The following MAT2A variants were observed in gnomAD, a reference collection of about 807,000 sequenced individuals.
MAT2A encodes the protein methionine adenosyltransferase 2A.
Under a neutral mutation model 43.9 loss-of-function variants are expected in MAT2A, and 3 were observed. The observed-to-expected ratio is 0.07, with a 90% CI of 0.03 to 0.18. The LOEUF (loss-of-function observed/expected upper bound fraction) is 0.18. MAT2A is among the 10% of genes least tolerant of loss of function. The pLI is 1.00. For missense variants in MAT2A, 204 were observed against 489.0 expected, an observed-to-expected ratio of 0.42 and a Z score of 5.50; for synonymous variants, 200 against 168.4, an observed-to-expected ratio of 1.19 and a Z score of -1.45.
Position 85,541,163 on chromosome 2 carries a change from A to G in MAT2A, c.169+3A>G, listed in dbSNP as rs774304543. 4.3e-6 allele frequency: 7 copies of G among 1,613,702 alleles called. No homozygotes were observed. Among genetic ancestry groups the G allele is most frequent in the Admixed American group, 1.7e-5 (1 of 60,006 alleles). On this transcript the variant is annotated splice_donor_region_variant and intron_variant, in intron 2 of 8. Transcript: ENST00000306434. ...TCCTGATGCCAAAGTAGCTTGTGGT[A>G]GGTTCAGAATGTGCTTATCAACTGG...
chr2:85,545,057 G>A lies in MAT2A; in HGVS notation c.*1285G>A, dbSNP rs1691589976. The A allele has an allele frequency of 6.6e-6, 1 of 152,422 alleles. No individual in the cohort carries two copies. Among genetic ancestry groups the A allele is most frequent in the Non-Finnish European group, 1.5e-5 (1 of 68,064 alleles). 9.4% of individuals were successfully genotyped at this position (152,422 alleles called of 1,614,324 possible). A position where few individuals can be genotyped will look rare whatever the true frequency, so the allele number is the denominator to read the frequency against. On this transcript the variant is annotated 3_prime_UTR_variant, in exon 9 of 9. Coordinates refer to ENST00000306434, the MANE Select transcript of MAT2A (RefSeq NM_005911.6). ...TAGACCTACAGGGGGTCTGGCTGGT[G>A]TTAACAGAAGGGAGGGCAGAGCTGG...
intron 1 of MAT2A, 197 bp downstream of exon 1, chr2:85,539,575 T>C (rs1477511209): frequency 4.3e-6 from 2 of 465,878 alleles, no homozygotes; most frequent in South Asian, 6.5e-5. Context: ...CCCCCTCCCC[T>C]CTCCACCCTT....
chr2:85,542,437 T>C, intron 6 of MAT2A, 64 bp downstream of exon 6: 1 of 1,564,294 alleles, frequency 6.4e-7, no homozygotes, highest in Non-Finnish European at 8.8e-7. Context: ...GGCTACTACA[T>C]TTTTTTCAGG....
intron 8 of MAT2A, 49 bp downstream of exon 8, chr2:85,543,083 G>GT: frequency 1.9e-6 from 3 of 1,597,268 alleles, no homozygotes; most frequent in Non-Finnish European, 2.6e-6. Context: ...GGTGTTGGGT[G>GT]TGTGTGTATA....
intron 8 of MAT2A, chr2:85,543,259 C>G (rs1691524620): frequency 2.0e-6 from 1 of 506,330 alleles, no homozygotes; most frequent in African/African-American, 1.9e-5. Context: ...AGAGAATGTT[C>G]CAGATTTGAT....
At chr2:85,542,805 T>C in intron 7 of MAT2A, 58 bp downstream of exon 7, 1 of 1,553,482 alleles carries the variant, frequency 6.4e-7, no homozygotes, top group South Asian at 1.2e-5. Flanking sequence ...GGGTATTTAG[T>C]AGTAATCTAC....
chr2:85,539,661 C>T (rs1691410378), intron 1 of MAT2A: 2 of 297,532 alleles, frequency 6.7e-6, no homozygotes, highest in South Asian at 4.9e-5. Context: ...AGGGCGGGGG[C>T]TGTGGTCGCT....
rs371258887 is a variant in MAT2A at position 85,541,725 on chromosome 2, G to C, written c.385G>C (p.Asp129His). 1 of 1,614,086 alleles carries C rather than the reference G, an allele frequency of 6.2e-7. No individual in the cohort carries two copies. The highest frequency in any genetic ancestry group is 1.3e-5 in the African/African-American group (1 of 74,952). Residue 129 changes from aspartate to histidine, a missense_variant, in exon 4 of 9, where the codon GAC becomes CAC. Physicochemically the swap from Asp to His is moderately conservative, Grantham distance 81. This residue lies in a region of MAT2A where 103 missense variants were observed against 226.4 expected (regional missense o/e 0.45). Coordinates refer to ENST00000306434, the MANE Select transcript of MAT2A (RefSeq NM_005911.6). Reference protein sequence around the residue: ...QGVHLDRNEEDIGAGDQGLMF... With the variant: ...QGVHLDRNEEHIGAGDQGLMF... ...TGTTCATCTTGACAGAAATGAAGAA[G>C]ACATTGGTGCTGGAGACCAGGTATC...
Position 85,541,679 on chromosome 2 carries a change from G to A in MAT2A, c.339G>A (p.Gln113=). ...ACGTGCTGGTAGCCTTGGAGCAACA[G>A]TCACCAGATATTGCTCAAGGTGTTC... ...TCNVLVALEQ[Q]SPDIAQGVHL... The change falls in exon 4 of 9, where the codon CAG becomes CAA. Residue 113 remains glutamine, a synonymous_variant. Coordinates refer to ENST00000306434, the MANE Select transcript of MAT2A (RefSeq NM_005911.6). 6.2e-7 allele frequency: 1 copy of A among 1,613,938 alleles called. No homozygotes were observed. The highest frequency in any genetic ancestry group is 8.5e-7 in the Non-Finnish European group (1 of 1,179,992).
intron 2 of MAT2A, 41 bp from the exon 3 acceptor site, chr2:85,541,214 T>C: frequency 6.2e-7 from 1 of 1,612,478 alleles, no homozygotes; most frequent in Non-Finnish European, 8.5e-7. Context: ...AAAATTATTT[T>C]TATAGAAGTG....
rs1488369439 is a variant in MAT2A at position 85,542,978 on chromosome 2, A to C, written c.1029A>C (p.Arg343Ser). The change falls in exon 8 of 9, where the codon AGA becomes AGC. Residue 343 changes from arginine (R) to serine (S), a missense_variant. Physicochemically the swap from Arg to Ser is moderately radical, Grantham distance 110 (BLOSUM62 -1). This residue lies in a region of MAT2A where 45 missense variants were observed against 106.8 expected (regional missense o/e 0.42). Coordinates refer to ENST00000306434, the MANE Select transcript of MAT2A (RefSeq NM_005911.6). Reference protein sequence around the residue: ...FHYGTSQKSERELLEIVKKNF... With the variant: ...FHYGTSQKSESELLEIVKKNF... Reference sequence around the variant, plus strand: ...ATGGTACCTCTCAGAAGAGTGAGAGAGAGCTATTAGAGATTGTGAAGAAGA... The same window carrying C: ...ATGGTACCTCTCAGAAGAGTGAGAGCGAGCTATTAGAGATTGTGAAGAAGA... 2 of 1,613,510 alleles carry C rather than the reference A, an allele frequency of 1.2e-6. No homozygotes were observed. The highest frequency in any genetic ancestry group is 1.1e-5 in the South Asian group (1 of 91,058).
At position 85,542,412 on chromosome 2, in the gene MAT2A, GTTAC is replaced by G. The variant is rs765919589; in HGVS notation, c.768+43_768+46del. 3.8e-6 allele frequency: 6 copies of G among 1,594,694 alleles called. No homozygotes were observed. In the African/African-American group the frequency reaches 5.4e-5, roughly 14 times the overall value. The stretch of plus-strand genomic sequence containing the variant: ...GTTGCATTTTTCTGGATTTTTGATG[GTTAC>G]TTAAAATTTTGGCTACTACATTTTT... On this transcript the variant is annotated intron_variant, in intron 6 of 8. Coordinates refer to ENST00000306434, the MANE Select transcript of MAT2A (RefSeq NM_005911.6).
At chr2:85,541,522 G>C in intron 3 of MAT2A, 111 bp from the exon 4 acceptor site, 1 of 1,291,714 alleles carries the variant, frequency 7.7e-7, no homozygotes, top group Non-Finnish European at 1.1e-6. Flanking sequence ...TAAAAGGTCC[G>C]ATGGTTTAGG....
intron 6 of MAT2A, 79 bp from the exon 7 acceptor site, chr2:85,542,486 G>A (rs1425074850): frequency 3.9e-6 from 6 of 1,530,822 alleles, no homozygotes; most frequent in Non-Finnish European, 4.5e-6. Flanking sequence ...GAGGATATTT[G>A]CTGAATGAAT....
Position 85,539,252 on chromosome 2 carries a change from T to G in MAT2A, c.-36T>G, listed in dbSNP as rs200342391. 77 of 1,505,058 alleles carry G rather than the reference T, an allele frequency of 5.1e-5. No individual in the cohort carries two copies. The African/African-American group carries it at 7.8e-4, about 15-fold the overall frequency. 93.2% of individuals were successfully genotyped at this position (1,505,058 alleles called of 1,614,324 possible). ...GCAGCCGCTGCCGCCTCGCCGCTGC[T>G]CCTTCGTAAGGCCACTTCCGCACAC... On this transcript the variant is annotated 5_prime_UTR_variant, in exon 1 of 9. Transcript: ENST00000306434.
chr2:85,542,004 A>C, intron 5 of MAT2A, 32 bp downstream of exon 5: 4 of 1,605,806 alleles, frequency 2.5e-6, no homozygotes, highest in Non-Finnish European at 3.4e-6. Context: ...TGGTTGTCTC[A>C]TTTATTACAT....
At position 85,539,268 on chromosome 2, in the gene MAT2A, T is replaced by TGTTGGTG; in HGVS notation, c.-20_-19insGTTGGTG. On this transcript the variant is annotated 5_prime_UTR_variant, in exon 1 of 9. Coordinates refer to ENST00000306434, the MANE Select transcript of MAT2A (RefSeq NM_005911.6). ...CGCCGCTGCTCCTTCGTAAGGCCAC[T>TGTTGGTG]TCCGCACACCGACACCAACATGAAC... The TGTTGGTG allele has an allele frequency of 6.3e-7, 1 of 1,591,898 alleles. No homozygotes were observed. The highest frequency in any genetic ancestry group is 8.6e-7 in the Non-Finnish European group (1 of 1,166,472).
intron 1 of MAT2A, chr2:85,539,837 G>T (rs930197949): frequency 3.2e-5 from 5 of 156,622 alleles, no homozygotes; most frequent in Non-Finnish European, 7.1e-5. Context: ...GTATCTGGGC[G>T]AGGGGGAGCC....
At chr2:85,543,186 T>A in intron 8 of MAT2A, 152 bp downstream of exon 8, 1 of 825,978 alleles carries the variant, frequency 1.2e-6, no homozygotes, top group Non-Finnish European at 1.9e-6. Context: ...GCTGCCTTAG[T>A]GAAGACTTAG....
Sources: gnomAD v4.1 joint callset for allele counts on GRCh38, gnomAD v4.1.1 for gene constraint, gnomAD v4.1.1 regional missense constraint, MANE v1.5 for transcripts, NCBI Gene and HGNC (gene_info 2026-07-23, HGNC 2026-07-21) for gene names.